Variants in SORCS2 observed in about 807,000 individuals in gnomAD.
SORCS2 encodes the protein VPS10 domain-containing receptor SorCS2.
In SORCS2, 100 loss-of-function variants were observed where a neutral mutation model predicts 141.6. The observed-to-expected ratio is 0.71, with a 90% CI of 0.60 to 0.83. SORCS2 has a LOEUF of 0.83. Ranked by LOEUF, SORCS2 falls within the 40% of genes least tolerant of loss-of-function variation. SORCS2 has a pLI of 0.00. For missense variants in SORCS2, 1,646 were observed against 1,560.2 expected (o/e 1.05, Z -0.93); for synonymous variants, 789 against 676.9 (o/e 1.17, Z -2.57).
intron 2 of SORCS2, among the ~76,000 whole-genome samples, chr4:7,471,674 C>T (rs1729986800): frequency 2.0e-5 from 3 of 152,202 alleles, no homozygotes; most frequent in South Asian, 2.1e-4. Context: ...GCCCAGGTTC[C>T]GAGTGAAGGC....
chr4:7,231,900 G>T (rs1458549844), intron 1 of SORCS2, among the ~76,000 whole-genome samples: 1 of 152,186 alleles, frequency 6.6e-6, no homozygotes, highest in Non-Finnish European at 1.5e-5. Context: ...CTCTCGGGGT[G>T]GGGATGAGAC....
chr4:7,674,593 A>T lies in SORCS2; in HGVS notation c.1162-1457A>T, dbSNP rs944164266. ...TGTCTCAAAATAAAAAAAAAAAAAA[A>T]AAAAAAAAAAAAGCAACCCTCTCCT... On this transcript the variant is annotated intron_variant, in intron 8 of 26. Transcript: ENST00000507866. Among the ~76,000 whole-genome samples the T allele has an allele frequency of 9.2e-3, 1,365 of 148,122 alleles. 16 individuals are homozygous for T. Among genetic ancestry groups the T allele is most frequent in the South Asian group, 0.034 (159 of 4,672 alleles).
chr4:7,250,663 G>T (rs1450996747), intron 1 of SORCS2, among the ~76,000 whole-genome samples: 3 of 152,238 alleles, frequency 2.0e-5, no homozygotes, highest in Non-Finnish European at 4.4e-5. Context: ...ACCGGCCTTG[G>T]GGTCTTTCAT....
At chr4:7,374,438 C>T (rs556970934) in intron 1 of SORCS2, among the ~76,000 whole-genome samples, 22 of 152,186 alleles carry the variant, frequency 1.4e-4, no homozygotes, top group African/African-American at 2.6e-4. Context: ...GGATTTCTCC[C>T]GTTGCAATGA....
At chr4:7,588,463 A>G (rs1220389917) in intron 3 of SORCS2, among the ~76,000 whole-genome samples, 1 of 152,308 alleles carries the variant, frequency 6.6e-6, no homozygotes, top group African/African-American at 2.4e-5. Context: ...GATCTGGGGA[A>G]CTGGCCTTTG....
At chr4:7,399,197 A>G (rs1724412338) in intron 2 of SORCS2, among the ~76,000 whole-genome samples, 1 of 152,054 alleles carries the variant, frequency 6.6e-6, no homozygotes. Flanking sequence ...TGGTGCTAAG[A>G]GTTGAGAGCT....
intron 2 of SORCS2, among the ~76,000 whole-genome samples, chr4:7,505,648 C>T (rs1469626050): frequency 2.6e-5 from 4 of 152,034 alleles, no homozygotes; most frequent in South Asian, 2.1e-4. Context: ...GGGCCTGGCA[C>T]GGAGAGGGTA....
At chr4:7,205,533 G>A (rs1405916091) in intron 1 of SORCS2, among the ~76,000 whole-genome samples, 5 of 152,192 alleles carry the variant, frequency 3.3e-5, no homozygotes, top group Non-Finnish European at 2.9e-5. Context: ...CTTTGAGATC[G>A]ATAACAACTG....
chr4:7,246,765 T>G (rs1004018481), intron 1 of SORCS2, among the ~76,000 whole-genome samples: 4 of 152,192 alleles, frequency 2.6e-5, no homozygotes, highest in Non-Finnish European at 5.9e-5. Context: ...ATGCTCCTCA[T>G]GAGCTGTGAG....
chr4:7,327,787 C>T (rs956385684), intron 1 of SORCS2, among the ~76,000 whole-genome samples: 1 of 152,162 alleles, frequency 6.6e-6, no homozygotes, highest in Non-Finnish European at 1.5e-5. Context: ...TGCATGAGGG[C>T]TTGGCTTGTG....
intron 3 of SORCS2, among the ~76,000 whole-genome samples, chr4:7,542,929 C>T (rs1267425815): frequency 6.6e-6 from 1 of 152,220 alleles, no homozygotes; most frequent in Admixed American, 6.5e-5. Context: ...AGATGCCAGC[C>T]CCCTTCAGAC....
At chr4:7,710,929 C>T (rs1725792421) in intron 14 of SORCS2, among the ~76,000 whole-genome samples, 1 of 152,206 alleles carries the variant, frequency 6.6e-6, no homozygotes, top group Non-Finnish European at 1.5e-5. Context: ...ACCCCACGCA[C>T]AGAGAAGAAA....
chr4:7,683,274 AGCTGAGCGGCTCTGCTGACCTTGGCTGG>A (rs1723652100), intron 10 of SORCS2, among the ~76,000 whole-genome samples: 2 of 144,766 alleles, frequency 1.4e-5, no homozygotes, highest in Admixed American at 6.7e-5. Context: ...GGCTGGGCTC[AGCTGAGCGGCTCTGCTGACCTTGGCTGG>A]GCTCAGCTGA....
intron 21 of SORCS2, among the ~76,000 whole-genome samples, chr4:7,727,364 T>G (rs1268379993): frequency 6.6e-6 from 1 of 152,080 alleles, no homozygotes; most frequent in Non-Finnish European, 1.5e-5. Context: ...CTGTGCTCAC[T>G]GGGGGCTCTT....
intron 11 of SORCS2, 143 bp from the exon 12 acceptor site, chr4:7,697,055 C>T (rs1303320173): frequency 1.1e-5 from 7 of 656,362 alleles, no homozygotes; most frequent in African/African-American, 1.8e-5. Flanking sequence ...GGCCCCAGCG[C>T]AGCAGCCACA....
intron 2 of SORCS2, among the ~76,000 whole-genome samples, chr4:7,459,287 T>C (rs148631015): frequency 1.6e-4 from 24 of 152,176 alleles, no homozygotes; most frequent in African/African-American, 5.8e-4. Context: ...CCCTAAGTAT[T>C]GCTATGGAGA....
intron 2 of SORCS2, among the ~76,000 whole-genome samples, chr4:7,526,000 T>TCA (rs1470863700): frequency 8.4e-6 from 1 of 119,424 alleles, no homozygotes; most frequent in East Asian, 2.3e-4. Context: ...TCCCCTGCAG[T>TCA]CACCTGTCCC....
In SORCS2 at chr4:7,403,982, TATATATATATATATA is replaced by T. The variant is rs1378135980; in HGVS notation, c.548+7628_548+7642del. Among the ~76,000 whole-genome samples the T allele has an allele frequency of 2.3e-3, 45 of 19,794 alleles. 3 individuals carry two copies. The highest frequency in any genetic ancestry group is 7.6e-3 in the African/African-American group (36 of 4,740). 13.0% of individuals were successfully genotyped at this position (19,794 alleles called of 152,430 possible). A position where few individuals can be genotyped will look rare whatever the true frequency, so the allele number is the denominator to read the frequency against. On this transcript the variant is annotated intron_variant, in intron 2 of 26. Coordinates refer to ENST00000507866, the MANE Select transcript of SORCS2 (RefSeq NM_020777.3). ...GTGTGTATATATATATATATATATA[TATATATATATATATA>T]TTTTTTTTTTTTTTTTAGTATCCAT...
At chr4:7,340,591 A>T (rs1720314766) in intron 1 of SORCS2, among the ~76,000 whole-genome samples, 1 of 152,202 alleles carries the variant, frequency 6.6e-6, no homozygotes, top group African/African-American at 2.4e-5. Flanking sequence ...CGGGGTCTGA[A>T]ACAGCCTCTT....
Sources: allele counts gnomAD v4.1 joint callset (sites outside exome capture counted in the v4.1 genomes callset), GRCh38; gene constraint gnomAD v4.1.1; transcripts MANE v1.5; gene names NCBI Gene and HGNC (gene_info 2026-07-23, HGNC 2026-07-21).